The following CHLSN variants were observed in gnomAD, a reference collection of about 807,000 sequenced individuals.
The protein encoded by CHLSN is protein cholesin.
At chr7:1,061,058 G>A in the CHLSN span, among the ~76,000 whole-genome samples, 17,460 of 152,232 alleles carry the variant, frequency 0.11, 1,232 homozygotes, top group Middle Eastern at 0.26. Context: ...GGAAAGGGGC[G>A]GACCCCACAC....
the CHLSN span, among the ~76,000 whole-genome samples, chr7:1,021,147 T>G: frequency 0.074 from 11,150 of 150,626 alleles, 470 homozygotes; most frequent in Admixed American, 0.13. Context: ...GACATTCCAG[T>G]AGGGACCTTC....
At chr7:1,065,281 G>A in the CHLSN span, among the ~76,000 whole-genome samples, 1 of 151,856 alleles carries the variant, frequency 6.6e-6, no homozygotes, top group African/African-American at 2.4e-5. Flanking sequence ...ATTAAACATG[G>A]TTAACATCTG....
the CHLSN span, among the ~76,000 whole-genome samples, chr7:1,078,280 C>T: frequency 6.6e-6 from 1 of 151,882 alleles, no homozygotes; most frequent in African/African-American, 2.4e-5. Context: ...ATAGTGGGCA[C>T]GCCTGGAGAG....
chr7:1,136,369 A>AAC, the CHLSN span, among the ~76,000 whole-genome samples: 15,626 of 97,318 alleles, frequency 0.16, 2,065 homozygotes, highest in Middle Eastern at 0.22. Flanking sequence ...CATATATATA[A>AAC]ATATATATAA....
At chr7:1,101,831 G>A in the CHLSN span, among the ~76,000 whole-genome samples, 7 of 152,252 alleles carry the variant, frequency 4.6e-5, no homozygotes, top group Admixed American at 2.0e-4. Flanking sequence ...GGAGGTGCGC[G>A]TCGCGGACAC....
the CHLSN span, among the ~76,000 whole-genome samples, chr7:1,041,187 A>G: frequency 6.6e-6 from 1 of 150,906 alleles, no homozygotes; most frequent in Admixed American, 6.6e-5. Flanking sequence ...GCTCCAGAAT[A>G]GGACTTGGGC....
At chr7:1,062,942 C>T in the CHLSN span, among the ~76,000 whole-genome samples, 1 of 152,206 alleles carries the variant, frequency 6.6e-6, no homozygotes, top group Non-Finnish European at 1.5e-5. Flanking sequence ...CTATTCCTAA[C>T]CCCCTAACCA....
At chr7:983,244 C>T in the CHLSN span, 7 of 1,533,178 alleles carry the variant, frequency 4.6e-6, no homozygotes, top group Non-Finnish European at 6.2e-6. Context: ...TCCTGGGCCT[C>T]CTGGGGCTCT....
the CHLSN span, among the ~76,000 whole-genome samples, chr7:999,351 C>T: frequency 6.6e-6 from 1 of 152,256 alleles, no homozygotes; most frequent in Non-Finnish European, 1.5e-5. Flanking sequence ...CCAGGCTTCC[C>T]AGGCTGTTCC....
At chr7:1,034,560 G>C in the CHLSN span, among the ~76,000 whole-genome samples, 14 of 152,198 alleles carry the variant, frequency 9.2e-5, no homozygotes, top group Non-Finnish European at 1.8e-4. Flanking sequence ...GAGACACACA[G>C]AGGAACAGAG....
chr7:988,151 C>A, the CHLSN span: 1 of 1,185,898 alleles, frequency 8.4e-7, no homozygotes, highest in Non-Finnish European at 1.2e-6. Flanking sequence ...GCCTCACCTG[C>A]AAGGTGGGCT....
chr7:1,050,605 C>T, the CHLSN span, among the ~76,000 whole-genome samples: 1 of 152,232 alleles, frequency 6.6e-6, no homozygotes, highest in Non-Finnish European at 1.5e-5. Context: ...GCGGGAGAGC[C>T]TGCAAGGAAG....
At chr7:1,091,930 T>A in the CHLSN span, 1 of 1,614,028 alleles carries the variant, frequency 6.2e-7, no homozygotes, top group Non-Finnish European at 8.5e-7. Flanking sequence ...CTACACCATC[T>A]TCCTCTTCCC....
chr7:978,951 T>C, the CHLSN span, among the ~76,000 whole-genome samples: 1 of 152,216 alleles, frequency 6.6e-6, no homozygotes, highest in Non-Finnish European at 1.5e-5. Context: ...CTCAGTGTCA[T>C]GTGGAAGCCT....
the CHLSN span, among the ~76,000 whole-genome samples, chr7:998,272 A>T: frequency 6.6e-6 from 1 of 152,018 alleles, no homozygotes; most frequent in African/African-American, 2.4e-5. Flanking sequence ...CTCACCAGTC[A>T]CCTGACAATC....
chr7:983,126 G>A, the CHLSN span: 2 of 1,198,548 alleles, frequency 1.7e-6, no homozygotes, highest in Non-Finnish European at 2.2e-6. Flanking sequence ...TGGGTGGGGT[G>A]CGGGCACGCC....
chr7:1,029,585 T>C, the CHLSN span, among the ~76,000 whole-genome samples: 601 of 152,284 alleles, frequency 3.9e-3, 3 homozygotes, highest in Middle Eastern at 0.014. Context: ...AATTTTATGG[T>C]GCGAGGGAGC....
At chr7:994,474 A>AT in the CHLSN span, among the ~76,000 whole-genome samples, 3 of 151,364 alleles carry the variant, frequency 2.0e-5, no homozygotes, top group African/African-American at 7.3e-5. Flanking sequence ...ACCGCACTAA[A>AT]TTTTTTTTAG....
At chr7:1,136,487 T>C in the CHLSN span, among the ~76,000 whole-genome samples, 1 of 121,934 alleles carries the variant, frequency 8.2e-6, no homozygotes, top group African/African-American at 3.4e-5. Flanking sequence ...TATAAACATA[T>C]ATAAACATAT....
Sources: allele counts gnomAD v4.1 joint callset (sites outside exome capture counted in the v4.1 genomes callset), GRCh38; gene constraint gnomAD v4.1.1; transcripts MANE v1.5; gene names NCBI Gene and HGNC (gene_info 2026-07-23, HGNC 2026-07-21).